The following HACD2 variants were observed in gnomAD, a reference collection of about 807,000 sequenced individuals.
HACD2 encodes the protein 3-hydroxyacyl-CoA dehydratase 2.
A neutral mutation model predicts 31.0 loss-of-function variants in HACD2; 15 were observed. That is an observed-to-expected ratio of 0.48 (90% confidence interval 0.32 to 0.75). HACD2 has a LOEUF of 0.75. Ranked by LOEUF, HACD2 falls within the 30% of genes least tolerant of loss-of-function variation. The pLI is 0.03. For synonymous variants in HACD2, 115 were observed against 122.2 expected (o/e 0.94, Z 0.39); for missense variants, 283 against 313.0 (o/e 0.90, Z 0.72).
intron 3 of HACD2, among the ~76,000 whole-genome samples, chr3:123,534,074 G>T (rs935401778): frequency 1.3e-5 from 2 of 151,696 alleles, no homozygotes; most frequent in Non-Finnish European, 2.9e-5. Context: ...GTATAAAGGG[G>T]ATCTGGCAAT....
chr3:123,536,142 A>G (rs1437480414), intron 3 of HACD2, among the ~76,000 whole-genome samples: 2 of 152,146 alleles, frequency 1.3e-5, no homozygotes, highest in African/African-American at 4.8e-5. Context: ...AGATCTTCCT[A>G]TATCAATATG....
At chr3:123,576,111 C>T (rs1157033037) in intron 2 of HACD2, among the ~76,000 whole-genome samples, 1 of 152,134 alleles carries the variant, frequency 6.6e-6, no homozygotes, top group Non-Finnish European at 1.5e-5. Flanking sequence ...GAAAATTTCC[C>T]TATGACTTCT....
chr3:123,561,010 T>G (rs543770031), intron 3 of HACD2, among the ~76,000 whole-genome samples: 2 of 152,296 alleles, frequency 1.3e-5, no homozygotes, highest in South Asian at 2.1e-4. Context: ...GTTTTAAAAA[T>G]AAGTGATGGC....
intron 3 of HACD2, among the ~76,000 whole-genome samples, chr3:123,546,535 T>C (rs1471136325): frequency 1.3e-5 from 2 of 152,214 alleles, no homozygotes; most frequent in African/African-American, 4.8e-5. Context: ...CTGCCTGGAA[T>C]GTAAACATGA....
chr3:123,583,297 C>A (rs779279551), intron 1 of HACD2, among the ~76,000 whole-genome samples: 1 of 152,168 alleles, frequency 6.6e-6, no homozygotes, highest in Non-Finnish European at 1.5e-5. Context: ...ATGTTCATTG[C>A]TCAGGAATAG....
At chr3:123,528,301 C>T (rs2056309692) in intron 4 of HACD2, 85 bp downstream of exon 4, 2 of 840,480 alleles carry the variant, frequency 2.4e-6, no homozygotes, top group Non-Finnish European at 4.1e-6. Context: ...ACCTGGAACT[C>T]TTTAGCCATA....
intron 3 of HACD2, among the ~76,000 whole-genome samples, chr3:123,562,517 ATAT>A (rs72341386): frequency 0.36 from 55,292 of 151,842 alleles, 11,126 homozygotes; most frequent in African/African-American, 0.55. Context: ...TAATCTTTTA[ATAT>A]TATTCTATGA....
intron 4 of HACD2, among the ~76,000 whole-genome samples, chr3:123,515,780 G>C (rs578152917): frequency 6.6e-6 from 1 of 151,732 alleles, no homozygotes; most frequent in South Asian, 2.1e-4. Context: ...TTTTGAGACG[G>C]AGTCTTGCTC....
Position 123,507,746 on chromosome 3 carries a change from A to AT in HACD2, c.382-5066dup, listed in dbSNP as rs1300514474. Among the ~76,000 whole-genome samples, 6 of 152,178 alleles carry AT rather than the reference A, an allele frequency of 3.9e-5. No individual in the cohort carries two copies. The East Asian group carries it at 1.2e-3, about 29-fold the overall frequency. On this transcript the variant is annotated intron_variant, in intron 4 of 6. Transcript: ENST00000383657. ...CAAAAATTTTAAAAAATAAAAAAAA[A>AT]TTTAAAAAAGGGCATGAGGGATCAT... is the stretch of plus-strand genomic sequence containing the variant.
chr3:123,526,444 G>A (rs1292559171), intron 4 of HACD2, among the ~76,000 whole-genome samples: 2 of 151,988 alleles, frequency 1.3e-5, no homozygotes, highest in Non-Finnish European at 2.9e-5. Context: ...AAAAACAAGA[G>A]GATCCAAGAG....
intron 3 of HACD2, among the ~76,000 whole-genome samples, chr3:123,561,343 GCA>G (rs1559929180): frequency 1.3e-5 from 2 of 152,018 alleles, no homozygotes; most frequent in East Asian, 1.9e-4. Context: ...GTGCAAGCTG[GCA>G]CACACAGCAA....
chr3:123,492,660 T>C lies in HACD2; in HGVS notation c.*2228A>G, dbSNP rs2055778371. ...TGCAACACCACTGTTTGCAACAGAA[T>C]GTTTTTTATAAGTAGTGACAAATTA... On this transcript the variant is annotated 3_prime_UTR_variant, in exon 7 of 7. Transcript: ENST00000383657. 1 of 152,220 alleles carries C rather than the reference T, an allele frequency of 6.6e-6. No individual in the cohort carries two copies. The highest frequency in any genetic ancestry group is 1.5e-5 in the Non-Finnish European group (1 of 68,042). The allele number at this position is 152,220 out of a possible 1,614,324, so 9.4% of individuals were successfully genotyped here.
At chr3:123,515,532 C>T (rs1005893284) in intron 4 of HACD2, among the ~76,000 whole-genome samples, 72 of 152,270 alleles carry the variant, frequency 4.7e-4, no homozygotes, top group African/African-American at 1.5e-3. Context: ...GGCTGCAGTG[C>T]TGGTGCTGGT....
chr3:123,537,692 G>GTCT (rs1457682887), intron 3 of HACD2, among the ~76,000 whole-genome samples: 1 of 151,838 alleles, frequency 6.6e-6, no homozygotes, highest in Admixed American at 6.6e-5. Context: ...TATAAGCTAT[G>GTCT]TCTGTCTGCC....
At chr3:123,552,939 T>A (rs1434490697) in intron 3 of HACD2, among the ~76,000 whole-genome samples, 1 of 151,918 alleles carries the variant, frequency 6.6e-6, no homozygotes. Flanking sequence ...AGAAGAGGGA[T>A]CAGAGTAAAG....
chr3:123,564,724 C>G (rs980612150), intron 3 of HACD2, among the ~76,000 whole-genome samples: 1 of 152,116 alleles, frequency 6.6e-6, no homozygotes, highest in Non-Finnish European at 1.5e-5. Flanking sequence ...AAGGGAAATA[C>G]AGGGTCAATG....
chr3:123,502,450 A>G (rs1332404256), intron 5 of HACD2, 110 bp downstream of exon 5: 1 of 1,150,148 alleles, frequency 8.7e-7, no homozygotes, highest in African/African-American at 1.6e-5. Flanking sequence ...TTTCTACCCA[A>G]CCCGTCTCAA....
intron 3 of HACD2, among the ~76,000 whole-genome samples, chr3:123,529,098 T>A (rs1376961676): frequency 6.6e-6 from 1 of 152,002 alleles, no homozygotes; most frequent in Non-Finnish European, 1.5e-5. Context: ...CATCTTTGAT[T>A]ATTTTCTTTA....
chr3:123,556,282 C>A (rs1238281337), intron 3 of HACD2, among the ~76,000 whole-genome samples: 2 of 151,736 alleles, frequency 1.3e-5, no homozygotes, highest in African/African-American at 2.4e-5. Flanking sequence ...ACAAAAAGCA[C>A]AAAAACTAGC....
Sources: allele counts gnomAD v4.1 joint callset (sites outside exome capture counted in the v4.1 genomes callset), GRCh38; gene constraint gnomAD v4.1.1; transcripts MANE v1.5; gene names NCBI Gene and HGNC (gene_info 2026-07-23, HGNC 2026-07-21).